The following PI15 variants were observed in gnomAD, a reference collection of about 807,000 sequenced individuals.
PI15 encodes 25 kDa trypsin inhibitor.
PI15 carries 18 observed loss-of-function variants against 31.0 expected under a neutral mutation model. The observed-to-expected ratio is 0.58, with a 90% CI of 0.40 to 0.86. PI15 has a LOEUF of 0.86. Ranked by LOEUF, PI15 falls within the 40% of genes least tolerant of loss-of-function variation. PI15 has a pLI of 0.00. For synonymous variants in PI15, 118 were observed against 119.1 expected, an observed-to-expected ratio of 0.99 and a Z score of 0.06; for missense variants, 282 against 328.1, an observed-to-expected ratio of 0.86 and a Z score of 1.09.
At chr8:74,845,107 C>T (rs776619733) in intron 3 of PI15, 21 bp from the exon 4 acceptor site, 1 of 1,604,890 alleles carries the variant, frequency 6.2e-7, no homozygotes, top group Admixed American at 1.7e-5. Context: ...ACTCTGATTT[C>T]TTTCTTTTCT....
At chr8:74,829,634 A>G (rs1334817701) in intron 2 of PI15, among the ~76,000 whole-genome samples, 1 of 152,180 alleles carries the variant, frequency 6.6e-6, no homozygotes, top group African/African-American at 2.4e-5. Flanking sequence ...TTTTGTCTTT[A>G]AAGTCTAAAC....
intron 2 of PI15, among the ~76,000 whole-genome samples, chr8:74,836,856 A>G (rs1313275380): frequency 3.3e-5 from 5 of 152,150 alleles, no homozygotes; most frequent in Non-Finnish European, 7.4e-5. Context: ...GGTGGGCTCA[A>G]GAGAGAATGC....
chr8:74,833,169 C>T (rs1586953286), intron 2 of PI15, among the ~76,000 whole-genome samples: 1 of 151,938 alleles, frequency 6.6e-6, no homozygotes, highest in Non-Finnish European at 1.5e-5. Context: ...TTGGTGAAAA[C>T]AATTAAACAC....
At chr8:74,831,551 G>T (rs1810781217) in intron 2 of PI15, among the ~76,000 whole-genome samples, 1 of 152,086 alleles carries the variant, frequency 6.6e-6, no homozygotes, top group Non-Finnish European at 1.5e-5. Flanking sequence ...TTACTCGTGT[G>T]CCTGGCACTG....
At position 74,852,160 on chromosome 8, in the gene PI15, T is replaced by C. The variant is rs1427730938; in HGVS notation, c.*2907T>C. 1 of 152,318 alleles carries C rather than the reference T, an allele frequency of 6.6e-6. No homozygotes were observed. Among genetic ancestry groups the C allele is most frequent in the Non-Finnish European group, 1.5e-5 (1 of 67,910 alleles). The allele number at this position is 152,318 out of a possible 1,614,324, so 9.4% of individuals were successfully genotyped here. A position where few individuals can be genotyped will look rare whatever the true frequency, so the allele number is the denominator to read the frequency against. ...TAAATTGTCAGTATTAAGGTTTTCATGTGGAAAGGTGTCATTCAAAAAAAA... is the reference window on the plus strand; with the variant it reads ...TAAATTGTCAGTATTAAGGTTTTCACGTGGAAAGGTGTCATTCAAAAAAAA... On this transcript the variant is annotated 3_prime_UTR_variant, in exon 6 of 6. Transcript: ENST00000260113.
intron 2 of PI15, among the ~76,000 whole-genome samples, chr8:74,832,299 G>A (rs1192884019): frequency 6.6e-6 from 1 of 152,092 alleles, no homozygotes; most frequent in Non-Finnish European, 1.5e-5. Context: ...GCCATTAGTG[G>A]CTGCAGGTTT....
In PI15 at chr8:74,825,280, C is replaced by T. The variant is rs1349797399; in HGVS notation, c.31C>T (p.Leu11Phe). 3 of 1,613,488 alleles carry T rather than the reference C, an allele frequency of 1.9e-6. No individual in the cohort carries two copies. Among genetic ancestry groups the T allele is most frequent in the South Asian group, 2.2e-5 (2 of 91,056 alleles). Residue 11 changes from leucine to phenylalanine, a missense_variant, in exon 2 of 6, where the codon CTC becomes TTC. Physicochemically the swap from Leu to Phe is conservative, Grantham distance 22 (BLOSUM62 0). Transcript: ENST00000260113. ...AGCAATCTCTGCCGTCAGCAGTGCA[C>T]TCCTGTTCTCCCTTCTCTGTGAAGC... MIAISAVSSALLFSLLCEAST... is the reference protein window; with the variant it reads MIAISAVSSAFLFSLLCEAST...
chr8:74,835,544 G>C (rs1015855777), intron 2 of PI15, among the ~76,000 whole-genome samples: 4 of 152,094 alleles, frequency 2.6e-5, no homozygotes, highest in Non-Finnish European at 4.4e-5. Context: ...AGAATTAATA[G>C]GTTAAAGCAA....
chr8:74,831,124 A>G (rs1174566856), intron 2 of PI15, among the ~76,000 whole-genome samples: 2 of 152,164 alleles, frequency 1.3e-5, no homozygotes, highest in Non-Finnish European at 2.9e-5. Flanking sequence ...GAGCCAGCCA[A>G]AGGTAAGAAC....
At chr8:74,826,939 C>T (rs2128763199) in intron 2 of PI15, among the ~76,000 whole-genome samples, 1 of 152,012 alleles carries the variant, frequency 6.6e-6, no homozygotes, top group South Asian at 2.1e-4. Context: ...AAAAAGTTAC[C>T]CATACAGAAG....
At chr8:74,847,356 A>G (rs968522666) in intron 5 of PI15, among the ~76,000 whole-genome samples, 1 of 152,068 alleles carries the variant, frequency 6.6e-6, no homozygotes, top group Admixed American at 6.5e-5. Flanking sequence ...GAGGCAAGAT[A>G]ATCGCTTGAG....
At chr8:74,843,608 A>T (rs1414561923) in intron 2 of PI15, among the ~76,000 whole-genome samples, 3 of 152,190 alleles carry the variant, frequency 2.0e-5, no homozygotes, top group Non-Finnish European at 1.5e-5. Flanking sequence ...GCGCACCTGC[A>T]ATCCTAGCAA....
In PI15 at chr8:74,825,426, G is replaced by A. The variant is rs201527778; in HGVS notation, c.177G>A (p.Lys59=). Residue 59 remains lysine, a synonymous_variant, in exon 2 of 6, where the codon AAG becomes AAA. Coordinates refer to ENST00000260113, the MANE Select transcript of PI15 (RefSeq NM_015886.5). ...DSADIPKARR[K]RYISQNDMIA... ...CGGATATCCCCAAAGCCAGGCGGAA[G>A]CGCTACATTTCGCAGAATGACATGA... 3 of 1,613,190 alleles carry A rather than the reference G, an allele frequency of 1.9e-6. No homozygotes were observed. The highest frequency in any genetic ancestry group is 1.7e-6 in the Non-Finnish European group (2 of 1,179,430).
chr8:74,843,885 C>A, intron 2 of PI15, 96 bp from the exon 3 acceptor site: 1 of 760,424 alleles, frequency 1.3e-6, no homozygotes, highest in Non-Finnish European at 2.4e-6. Flanking sequence ...AACAGACAAA[C>A]AATAACTCTA....
At chr8:74,844,862 A>G (rs903059645) in intron 3 of PI15, 1 of 393,356 alleles carries the variant, frequency 2.5e-6, no homozygotes, top group Non-Finnish European at 4.6e-6. Flanking sequence ...GATTCCTGAA[A>G]TTATTTGCAT....
At chr8:74,849,062 A>G in intron 5 of PI15, 56 bp from the exon 6 acceptor site, 1 of 1,527,686 alleles carries the variant, frequency 6.5e-7, no homozygotes, top group Non-Finnish European at 9.0e-7. Flanking sequence ...AGGACAATCT[A>G]CTTTTAAAAA....
chr8:74,826,505 T>G (rs1315382307), intron 2 of PI15, among the ~76,000 whole-genome samples: 1 of 152,104 alleles, frequency 6.6e-6, no homozygotes, highest in Non-Finnish European at 1.5e-5. Context: ...ACAGGAAAAC[T>G]AAAGACTTGC....
At chr8:74,839,943 C>T (rs1283783043) in intron 2 of PI15, among the ~76,000 whole-genome samples, 1 of 152,122 alleles carries the variant, frequency 6.6e-6, no homozygotes, top group African/African-American at 2.4e-5. Flanking sequence ...TCCTCATTTT[C>T]TGAACTTTCG....
At chr8:74,827,322 C>A (rs1320969423) in intron 2 of PI15, among the ~76,000 whole-genome samples, 1 of 152,044 alleles carries the variant, frequency 6.6e-6, no homozygotes, top group Non-Finnish European at 1.5e-5. Context: ...GAGCGTTCAC[C>A]ACGAGGAAAG....
Sources: gnomAD v4.1 joint callset for allele counts (sites outside exome capture counted in the v4.1 genomes callset) on GRCh38, gnomAD v4.1.1 for gene constraint, MANE v1.5 for transcripts, NCBI Gene and HGNC (gene_info 2026-07-23, HGNC 2026-07-21) for gene names.